Variants in PRKG1 observed in about 807,000 individuals in gnomAD.
PRKG1 encodes cGMP-dependent protein kinase 1.
A neutral mutation model predicts 88.1 loss-of-function variants in PRKG1; 35 were observed. That is an observed-to-expected ratio of 0.40 (90% CI 0.30 to 0.53). PRKG1 has a LOEUF of 0.53. Among genes scored for constraint, PRKG1 ranks in the 20% least tolerant of loss-of-function variants. The pLI is 0.59. For missense variants in PRKG1, 540 were observed against 839.8 expected (o/e 0.64, Z 4.41); for synonymous variants, 303 against 292.5 (o/e 1.04, Z -0.37).
chr10:51,649,979 G>A (rs1840000596), intron 3 of PRKG1, among the ~76,000 whole-genome samples: 1 of 152,152 alleles, frequency 6.6e-6, no homozygotes, highest in Admixed American at 6.5e-5. Context: ...AGAGTCCTGT[G>A]AGACTACGTA....
At chr10:51,889,938 T>A (rs1162926406) in intron 4 of PRKG1, among the ~76,000 whole-genome samples, 3 of 152,192 alleles carry the variant, frequency 2.0e-5, no homozygotes, top group East Asian at 3.9e-4. Context: ...GTTTGAGTTC[T>A]TTGTAGATTC....
chr10:51,863,696 G>A (rs889802487), intron 4 of PRKG1, among the ~76,000 whole-genome samples: 1 of 152,060 alleles, frequency 6.6e-6, no homozygotes, highest in African/African-American at 2.4e-5. Flanking sequence ...GAGCAAGAAG[G>A]CCCTCACTAA....
intron 2 of PRKG1, among the ~76,000 whole-genome samples, chr10:51,255,418 C>G (rs1839531882): frequency 6.6e-6 from 1 of 152,244 alleles, no homozygotes; most frequent in Non-Finnish European, 1.5e-5. Context: ...GAGCAGATAA[C>G]AGAAAACTCT....
intron 9 of PRKG1, among the ~76,000 whole-genome samples, chr10:52,233,506 C>T (rs1435050647): frequency 2.7e-5 from 4 of 147,962 alleles, no homozygotes; most frequent in South Asian, 2.2e-4. Flanking sequence ...ACCTGGGAAG[C>T]GCAAGGGGTC....
intron 5 of PRKG1, among the ~76,000 whole-genome samples, chr10:52,024,987 A>T (rs1027549217): frequency 6.6e-6 from 1 of 152,068 alleles, no homozygotes; most frequent in Non-Finnish European, 1.5e-5. Context: ...CCTCTCCAAC[A>T]TCTCTTGTTT....
chr10:51,108,158 C>T (rs1844893252), intron 1 of PRKG1, among the ~76,000 whole-genome samples: 1 of 152,062 alleles, frequency 6.6e-6, no homozygotes, highest in Non-Finnish European at 1.5e-5. Context: ...TTCACTGGTA[C>T]ATTCTACAAA....
chr10:51,658,823 C>G (rs1317977667), intron 3 of PRKG1, among the ~76,000 whole-genome samples: 2 of 151,876 alleles, frequency 1.3e-5, no homozygotes, highest in Non-Finnish European at 2.9e-5. Flanking sequence ...AGAAAAACTC[C>G]CAGTTTTCTC....
At chr10:51,476,704 G>C (rs1840205702) in intron 3 of PRKG1, among the ~76,000 whole-genome samples, 1 of 151,868 alleles carries the variant, frequency 6.6e-6, no homozygotes, top group Non-Finnish European at 1.5e-5. Context: ...ACAGAATAGG[G>C]GAACAGCCTC....
chr10:51,595,817 C>T lies in PRKG1; in HGVS notation c.592+127981C>T, dbSNP rs1337400184. On this transcript the variant is annotated intron_variant, in intron 3 of 17. Coordinates refer to ENST00000373980, the MANE Select transcript of PRKG1 (RefSeq NM_006258.4). ...GTAATACATACTTTTACCATTAGTA[C>T]TTATGTAATTTTTGTTTTGTTTTGT... Among the ~76,000 whole-genome samples, 12 of 151,872 alleles carry T rather than the reference C, an allele frequency of 7.9e-5. No homozygotes were observed. The East Asian group carries it at 2.3e-3, about 29-fold the overall frequency.
intron 3 of PRKG1, among the ~76,000 whole-genome samples, chr10:51,727,473 C>T (rs992449294): frequency 2.0e-5 from 3 of 151,936 alleles, no homozygotes; most frequent in Admixed American, 2.0e-4. Context: ...CGAGTGAAAC[C>T]AAGATTCTAT....
Position 51,671,841 on chromosome 10 carries a change from C to T in PRKG1, c.593-132744C>T, listed in dbSNP as rs201680096. Among the ~76,000 whole-genome samples the T allele has an allele frequency of 4.6e-5, 7 of 152,284 alleles. 1 individual carries two copies. The East Asian group carries it at 1.2e-3, about 25-fold the overall frequency. The stretch of plus-strand genomic sequence containing the variant: ...GACCTTGTGATTTGCCTGCCTCGGC[C>T]TCCCATCTTCTTCTCTTTTATAAGA... On this transcript the variant is annotated intron_variant, in intron 3 of 17. Coordinates refer to ENST00000373980, the MANE Select transcript of PRKG1 (RefSeq NM_006258.4).
chr10:51,124,605 T>A (rs1049294133), intron 1 of PRKG1, among the ~76,000 whole-genome samples: 1 of 152,206 alleles, frequency 6.6e-6, no homozygotes, highest in African/African-American at 2.4e-5. Context: ...GTGTCTTCAT[T>A]GGAAGCAGTC....
At chr10:51,568,043 G>T (rs547602676) in intron 3 of PRKG1, among the ~76,000 whole-genome samples, 1 of 151,956 alleles carries the variant, frequency 6.6e-6, no homozygotes, top group Non-Finnish European at 1.5e-5. Context: ...AATGTCAATG[G>T]CTGCTAATCT....
intron 1 of PRKG1, chr10:51,148,319 T>C: frequency 2.1e-6 from 2 of 961,042 alleles, no homozygotes; most frequent in South Asian, 4.8e-5. Context: ...AAGTTGACCA[T>C]TCAGTGCAAA....
At chr10:51,490,253 A>G (rs1178811026) in intron 3 of PRKG1, among the ~76,000 whole-genome samples, 1 of 152,170 alleles carries the variant, frequency 6.6e-6, no homozygotes, top group Non-Finnish European at 1.5e-5. Context: ...AAATAAAAAC[A>G]AATAGGAAAT....
intron 5 of PRKG1, among the ~76,000 whole-genome samples, chr10:52,036,162 G>A (rs113546288): frequency 1.3e-5 from 2 of 152,020 alleles, no homozygotes; most frequent in South Asian, 2.1e-4. Flanking sequence ...GTAACTTGCT[G>A]AGCTTGATGG....
At chr10:52,251,722 T>G in intron 10 of PRKG1, 56 bp downstream of exon 10, 1 of 1,366,484 alleles carries the variant, frequency 7.3e-7, no homozygotes, top group Non-Finnish European at 1.0e-6. Flanking sequence ...TTTAATTTTT[T>G]CCCCTAGATT....
At chr10:51,709,430 C>T (rs1841688997) in intron 3 of PRKG1, among the ~76,000 whole-genome samples, 1 of 152,208 alleles carries the variant, frequency 6.6e-6, no homozygotes, top group Non-Finnish European at 1.5e-5. Context: ...TGTATACGTT[C>T]TTGCAGAGCA....
chr10:51,754,214 A>C (rs941299790), intron 3 of PRKG1, among the ~76,000 whole-genome samples: 1 of 152,008 alleles, frequency 6.6e-6, no homozygotes, highest in African/African-American at 2.4e-5. Context: ...TTCTGACCCA[A>C]CTTAGTCCCT....
Sources: allele counts gnomAD v4.1 joint callset (sites outside exome capture counted in the v4.1 genomes callset), GRCh38; gene constraint gnomAD v4.1.1; transcripts MANE v1.5; gene names NCBI Gene and HGNC (gene_info 2026-07-23, HGNC 2026-07-21).